GNAI1: variants seen among roughly 807,000 people sequenced by gnomAD.
GNAI1 encodes the protein guanine nucleotide-binding protein G(i) subunit alpha-1.
In GNAI1, 11 loss-of-function variants were observed where a neutral mutation model predicts 38.9. The observed-to-expected ratio is 0.28, with a 90% confidence interval of 0.18 to 0.47. GNAI1 has a LOEUF of 0.47. GNAI1 is among the 20% of genes least tolerant of loss of function. The pLI is 0.99. For missense variants in GNAI1, 317 were observed against 436.9 expected, an observed-to-expected ratio of 0.73 and a Z score of 2.45; for synonymous variants, 166 against 145.1, an observed-to-expected ratio of 1.14 and a Z score of -1.04.
intron 1 of GNAI1, 83 bp downstream of exon 1, chr7:80,135,361 A>C: frequency 1.2e-6 from 1 of 822,860 alleles, no homozygotes; most frequent in Non-Finnish European, 1.7e-6. Context: ...GGAAACCCGG[A>C]GGGAAGGGGG....
intron 1 of GNAI1, among the ~76,000 whole-genome samples, chr7:80,173,582 T>G (rs1350837648): frequency 1.3e-5 from 2 of 152,066 alleles, no homozygotes; most frequent in Non-Finnish European, 2.9e-5. Context: ...TGCTCCCCAA[T>G]TGGTGTGGGG....
intron 1 of GNAI1, among the ~76,000 whole-genome samples, chr7:80,136,432 GT>G (rs988703854): frequency 2.0e-5 from 3 of 151,976 alleles, no homozygotes; most frequent in South Asian, 2.1e-4. Context: ...AAAATGGTGG[GT>G]TTTTTTTCTC....
intron 5 of GNAI1, among the ~76,000 whole-genome samples, chr7:80,206,212 G>A (rs1052735431): frequency 1.3e-5 from 2 of 151,802 alleles, no homozygotes; most frequent in Non-Finnish European, 2.9e-5. Context: ...ATTTTTCATG[G>A]CTACTTCTCT....
intron 1 of GNAI1, among the ~76,000 whole-genome samples, chr7:80,173,693 A>G (rs945422781): frequency 6.6e-6 from 1 of 152,190 alleles, no homozygotes; most frequent in African/African-American, 2.4e-5. Context: ...CCCTAGTCTC[A>G]GAGGTGATGG....
At chr7:80,144,415 A>C (rs1787582174) in intron 1 of GNAI1, among the ~76,000 whole-genome samples, 1 of 152,186 alleles carries the variant, frequency 6.6e-6, no homozygotes, top group Non-Finnish European at 1.5e-5. Context: ...TAACGGATTT[A>C]CTTTTAGGAG....
At position 80,221,323 on chromosome 7, in the gene GNAI1, G is replaced by A. The variant is rs1789070474; in HGVS notation, c.*3830G>A. Among the ~76,000 whole-genome samples the A allele has an allele frequency of 6.6e-6, 1 of 152,130 alleles. No individual in the cohort carries two copies. The highest frequency in any genetic ancestry group is 2.1e-4 in the South Asian group (1 of 4,824). On this transcript the variant is annotated 3_prime_UTR_variant, in exon 8 of 8. Transcript: ENST00000649796. ...TAAATAAGTTCACAGTACATGTTAAGTACCTAGAGGGGAGTGTGGAATGTA... is the reference window on the plus strand; with the variant it reads ...TAAATAAGTTCACAGTACATGTTAAATACCTAGAGGGGAGTGTGGAATGTA...
chr7:80,173,529 C>G (rs1788132211), intron 1 of GNAI1, among the ~76,000 whole-genome samples: 1 of 152,056 alleles, frequency 6.6e-6, no homozygotes, highest in South Asian at 2.1e-4. Context: ...ATATAGTGTT[C>G]AGATAAAAAT....
At chr7:80,167,186 C>A (rs1017625657) in intron 1 of GNAI1, among the ~76,000 whole-genome samples, 1 of 152,210 alleles carries the variant, frequency 6.6e-6, no homozygotes, top group African/African-American at 2.4e-5. Context: ...TTTTCTACAT[C>A]TCTGACTAAT....
At position 80,199,215 on chromosome 7, in the gene GNAI1, G is replaced by C. The variant is rs201529926; in HGVS notation, c.304-10G>C. 109 of 1,575,752 alleles carry C rather than the reference G, an allele frequency of 6.9e-5. No individual in the cohort carries two copies. Among genetic ancestry groups the C allele is most frequent in the Non-Finnish European group, 8.8e-5 (102 of 1,156,654 alleles). ...CCTTTTTACTTAAAAAATGTCCTTTGAATGTTCAGGATGATGCACGCCAAC... is the reference window on the plus strand; with the variant it reads ...CCTTTTTACTTAAAAAATGTCCTTTCAATGTTCAGGATGATGCACGCCAAC... On this transcript the variant is annotated splice_polypyrimidine_tract_variant and intron_variant, in intron 3 of 7. Transcript: ENST00000649796.
At chr7:80,207,906 G>T (rs1788802099) in intron 5 of GNAI1, among the ~76,000 whole-genome samples, 2 of 151,984 alleles carry the variant, frequency 1.3e-5, no homozygotes, top group African/African-American at 4.8e-5. Flanking sequence ...ATCAGCAACT[G>T]TGTTTTACTT....
chr7:80,208,148 C>T (rs1374173813), intron 5 of GNAI1, among the ~76,000 whole-genome samples: 1 of 152,126 alleles, frequency 6.6e-6, no homozygotes, highest in East Asian at 1.9e-4. Flanking sequence ...GCATGTCCAA[C>T]ATCTCCTTCC....
At chr7:80,189,274 G>A in intron 3 of GNAI1, 43 bp downstream of exon 3, 1 of 1,555,262 alleles carries the variant, frequency 6.4e-7, no homozygotes, top group Non-Finnish European at 8.8e-7. Flanking sequence ...TGGGTAAAAA[G>A]AATAACTTGT....
intron 5 of GNAI1, among the ~76,000 whole-genome samples, chr7:80,209,424 C>G (rs1032330660): frequency 1.1e-4 from 17 of 152,096 alleles, no homozygotes; most frequent in Non-Finnish European, 2.4e-4. Flanking sequence ...CCAGTTTTAG[C>G]CTGTAGAGTG....
intron 1 of GNAI1, among the ~76,000 whole-genome samples, chr7:80,148,727 A>G (rs1245262126): frequency 6.6e-6 from 1 of 152,118 alleles, no homozygotes; most frequent in Admixed American, 6.6e-5. Flanking sequence ...GATTTAGTAT[A>G]AGGGTTTGTC....
At chr7:80,160,530 G>A (rs1164644921) in intron 1 of GNAI1, among the ~76,000 whole-genome samples, 1 of 152,092 alleles carries the variant, frequency 6.6e-6, no homozygotes, top group Admixed American at 6.5e-5. Flanking sequence ...AATTGACCAA[G>A]CAGCTTTCAG....
intron 1 of GNAI1, among the ~76,000 whole-genome samples, chr7:80,176,488 A>G (rs1788183859): frequency 6.6e-6 from 1 of 152,232 alleles, no homozygotes; most frequent in African/African-American, 2.4e-5. Context: ...AGAAAGTCTC[A>G]TCTAGGACAT....
intron 1 of GNAI1, among the ~76,000 whole-genome samples, chr7:80,179,223 C>T (rs1330937003): frequency 6.6e-6 from 1 of 152,020 alleles, no homozygotes; most frequent in Non-Finnish European, 1.5e-5. Flanking sequence ...AGGAGGTGAC[C>T]TTTTTCTTCT....
chr7:80,159,659 G>A (rs67170531), intron 1 of GNAI1, among the ~76,000 whole-genome samples: 22,850 of 152,044 alleles, frequency 0.15, 1,837 homozygotes, highest in South Asian at 0.23. Flanking sequence ...AAAAATATTC[G>A]TTGTTTCCTG....
At chr7:80,165,152 T>G (rs893544157) in intron 1 of GNAI1, among the ~76,000 whole-genome samples, 6 of 152,170 alleles carry the variant, frequency 3.9e-5, no homozygotes, top group Admixed American at 1.3e-4. Context: ...TGAATATTGT[T>G]CATCTCTGGA....
Sources: allele counts gnomAD v4.1 joint callset (sites outside exome capture counted in the v4.1 genomes callset), GRCh38; gene constraint gnomAD v4.1.1; transcripts MANE v1.5; gene names NCBI Gene and HGNC (gene_info 2026-07-23, HGNC 2026-07-21).